The following FRMD5 variants were observed in gnomAD, a reference collection of about 807,000 sequenced individuals.
FRMD5 encodes the protein FERM domain-containing protein 5.
In FRMD5, 20 loss-of-function variants were observed where a neutral mutation model predicts 69.0. The observed-to-expected ratio is 0.29, with a 90% CI of 0.20 to 0.42. The LOEUF (loss-of-function observed/expected upper bound fraction) is 0.42, where lower values mean the gene tolerates loss of function less well. Among genes scored for constraint, FRMD5 ranks in the 10% least tolerant of loss-of-function variants. The pLI, the probability that FRMD5 is intolerant of heterozygous loss-of-function variation, is 1.00. For synonymous variants in FRMD5, 271 were observed against 260.1 expected (o/e 1.04, Z -0.40); for missense variants, 595 against 708.6 (o/e 0.84, Z 1.82).
chr15:44,065,529 C>A (rs912874877), intron 1 of FRMD5, among the ~76,000 whole-genome samples: 2 of 152,124 alleles, frequency 1.3e-5, no homozygotes, highest in South Asian at 4.1e-4. Context: ...GTTAATAACA[C>A]TATGCATATG....
chr15:44,082,398 T>C (rs780964643), intron 1 of FRMD5, among the ~76,000 whole-genome samples: 16 of 152,008 alleles, frequency 1.1e-4, no homozygotes, highest in Non-Finnish European at 2.1e-4. Context: ...CCAGTATTCT[T>C]GCTATGTGAC....
intron 1 of FRMD5, among the ~76,000 whole-genome samples, chr15:43,931,377 GTC>G (rs1183128142): frequency 4.0e-5 from 6 of 151,208 alleles, no homozygotes; most frequent in Admixed American, 3.9e-4. Flanking sequence ...TCTATTCTCT[GTC>G]TCTCTCTCTC....
intron 1 of FRMD5, among the ~76,000 whole-genome samples, chr15:44,096,369 T>A (rs1253514269): frequency 6.6e-6 from 1 of 151,636 alleles, no homozygotes; most frequent in African/African-American, 2.4e-5. Context: ...AATGCTACAG[T>A]GTATTACTGA....
intron 1 of FRMD5, among the ~76,000 whole-genome samples, chr15:44,008,555 C>A (rs111615957): frequency 3.3e-5 from 5 of 151,974 alleles, no homozygotes; most frequent in Admixed American, 6.5e-5. Context: ...CATGAACCAC[C>A]GCGCCCGGCC....
chr15:44,000,777 T>A (rs1890176505), intron 1 of FRMD5, among the ~76,000 whole-genome samples: 1 of 152,174 alleles, frequency 6.6e-6, no homozygotes, highest in Non-Finnish European at 1.5e-5. Context: ...TATTTTAAAA[T>A]TTTTGAGGAA....
intron 1 of FRMD5, among the ~76,000 whole-genome samples, chr15:43,942,394 C>G (rs2140490304): frequency 6.6e-6 from 1 of 152,298 alleles, no homozygotes; most frequent in East Asian, 1.9e-4. Flanking sequence ...TGCAGCAACA[C>G]CGAAACTCAT....
intron 1 of FRMD5, among the ~76,000 whole-genome samples, chr15:43,925,213 C>G (rs2089563062): frequency 6.6e-6 from 1 of 152,068 alleles, no homozygotes; most frequent in African/African-American, 2.4e-5. Flanking sequence ...CCATGTTGGT[C>G]AGGCTGGTCT....
intron 4 of FRMD5, among the ~76,000 whole-genome samples, chr15:43,916,135 C>T (rs2140432383): frequency 6.6e-6 from 1 of 152,266 alleles, no homozygotes; most frequent in South Asian, 2.1e-4. Context: ...GGGAAAATTG[C>T]CCAAGATGGT....
intron 1 of FRMD5, among the ~76,000 whole-genome samples, chr15:44,151,743 A>T (rs1397535717): frequency 6.6e-6 from 1 of 152,210 alleles, no homozygotes; most frequent in African/African-American, 2.4e-5. Flanking sequence ...AAGAAAAAAA[A>T]GTTTGGACTT....
At chr15:43,913,717 C>A (rs2089331021) in intron 4 of FRMD5, among the ~76,000 whole-genome samples, 1 of 152,310 alleles carries the variant, frequency 6.6e-6, no homozygotes, top group South Asian at 2.1e-4. Flanking sequence ...AATCTCTGAA[C>A]CTCAGAACAT....
At chr15:44,023,980 A>G (rs1332169171) in intron 1 of FRMD5, among the ~76,000 whole-genome samples, 2 of 152,142 alleles carry the variant, frequency 1.3e-5, no homozygotes, top group East Asian at 3.8e-4. Context: ...GATGTGAAGG[A>G]TATGAAGTAT....
intron 1 of FRMD5, among the ~76,000 whole-genome samples, chr15:44,188,071 C>T (rs536413998): frequency 7.2e-5 from 11 of 152,202 alleles, no homozygotes; most frequent in East Asian, 5.8e-4. Flanking sequence ...GTAAGCCCTT[C>T]GACAACAGGG....
At chr15:44,079,072 C>CA (rs1893890077) in intron 1 of FRMD5, among the ~76,000 whole-genome samples, 1 of 151,872 alleles carries the variant, frequency 6.6e-6, no homozygotes, top group Admixed American at 6.6e-5. Flanking sequence ...AACCCAATAA[C>CA]AAAAAACATC....
intron 1 of FRMD5, among the ~76,000 whole-genome samples, chr15:43,950,535 G>A (rs2090010506): frequency 6.6e-6 from 1 of 152,114 alleles, no homozygotes; most frequent in Admixed American, 6.5e-5. Context: ...ACCCATTCCT[G>A]TGGGCAGGGA....
At chr15:44,038,060 G>A (rs1892002986) in intron 1 of FRMD5, among the ~76,000 whole-genome samples, 1 of 152,146 alleles carries the variant, frequency 6.6e-6, no homozygotes, top group African/African-American at 2.4e-5. Flanking sequence ...GTGATGATGA[G>A]CTTTTTTTCA....
intron 1 of FRMD5, among the ~76,000 whole-genome samples, chr15:44,107,158 A>C (rs2076731785): frequency 6.6e-6 from 1 of 152,206 alleles, no homozygotes; most frequent in Non-Finnish European, 1.5e-5. Context: ...TTCACAAACG[A>C]AATATTTGAG....
chr15:44,173,965 T>C (rs765073989), intron 1 of FRMD5, among the ~76,000 whole-genome samples: 4 of 152,248 alleles, frequency 2.6e-5, no homozygotes, highest in Middle Eastern at 3.4e-3. Context: ...CTCTTGGGAA[T>C]AGGCTGATCA....
At chr15:43,951,499 G>A (rs1002973906) in intron 1 of FRMD5, among the ~76,000 whole-genome samples, 1 of 151,354 alleles carries the variant, frequency 6.6e-6, no homozygotes, top group African/African-American at 2.4e-5. Flanking sequence ...TAGAACACTA[G>A]AACTATAATG....
intron 1 of FRMD5, among the ~76,000 whole-genome samples, chr15:44,110,492 T>C (rs2076782334): frequency 6.6e-6 from 1 of 152,262 alleles, no homozygotes; most frequent in African/African-American, 2.4e-5. Flanking sequence ...AGAAGTCTAC[T>C]TTTTGCAGGA....
Sources: allele counts gnomAD v4.1 joint callset (sites outside exome capture counted in the v4.1 genomes callset), GRCh38; gene constraint gnomAD v4.1.1; transcripts MANE v1.5; gene names NCBI Gene and HGNC (gene_info 2026-07-23, HGNC 2026-07-21).